MEIS2: variants seen among roughly 807,000 people sequenced by gnomAD.
MEIS2 encodes Meis homeobox 2.
Under a neutral mutation model 58.6 loss-of-function variants are expected in MEIS2, and 9 were observed. The observed-to-expected ratio is 0.15, with a 90% confidence interval of 0.09 to 0.27. The LOEUF (loss-of-function observed/expected upper bound fraction) is 0.27. Among genes scored for constraint, MEIS2 ranks in the 10% least tolerant of loss-of-function variants. The pLI, the probability that MEIS2 is intolerant of heterozygous loss-of-function variation, is 1.00. For missense variants in MEIS2, 427 were observed against 635.0 expected (o/e 0.67, Z 3.52); for synonymous variants, 221 against 228.4 (o/e 0.97, Z 0.29).
At chr15:37,011,787 T>A (rs151078419) in intron 8 of MEIS2, among the ~76,000 whole-genome samples, 2,721 of 151,818 alleles carry the variant, frequency 0.018, 89 homozygotes, top group African/African-American at 0.061. Flanking sequence ...ACCTGGCTAA[T>A]TTTTGTATTT....
intron 7 of MEIS2, among the ~76,000 whole-genome samples, chr15:37,050,171 A>G (rs1166199355): frequency 1.3e-5 from 2 of 151,936 alleles, no homozygotes; most frequent in Admixed American, 1.3e-4. Context: ...AACACTCAGA[A>G]CTCCAGAATA....
intron 9 of MEIS2, among the ~76,000 whole-genome samples, chr15:36,922,427 T>G (rs986438876): frequency 3.9e-5 from 6 of 152,198 alleles, no homozygotes; most frequent in African/African-American, 1.2e-4. Flanking sequence ...TGTGTGTTTG[T>G]TTGTTTTCAC....
intron 7 of MEIS2, among the ~76,000 whole-genome samples, chr15:37,080,071 A>G (rs1414351762): frequency 1.3e-5 from 2 of 152,202 alleles, no homozygotes; most frequent in Non-Finnish European, 2.9e-5. Flanking sequence ...ATTTTACAGC[A>G]AAGATGTCAA....
At chr15:36,920,416 G>T (rs2057459057) in intron 9 of MEIS2, among the ~76,000 whole-genome samples, 1 of 152,164 alleles carries the variant, frequency 6.6e-6, no homozygotes, top group African/African-American at 2.4e-5. Context: ...CAAAGTGCTG[G>T]GATTACAGGC....
At chr15:36,905,526 GT>G (rs2056689239) in intron 9 of MEIS2, among the ~76,000 whole-genome samples, 1 of 152,110 alleles carries the variant, frequency 6.6e-6, no homozygotes, top group Admixed American at 6.5e-5. Flanking sequence ...ATGTGTGTGT[GT>G]TTCCCAATGA....
At chr15:36,938,436 C>A (rs559942225) in intron 9 of MEIS2, among the ~76,000 whole-genome samples, 1 of 152,340 alleles carries the variant, frequency 6.6e-6, no homozygotes, top group Admixed American at 6.5e-5. Context: ...CAAGCCCCTG[C>A]TCCCAGGGGC....
chr15:36,995,987 A>ATGTGTGTG (rs2060492955), intron 8 of MEIS2, among the ~76,000 whole-genome samples: 1 of 49,010 alleles, frequency 2.0e-5, no homozygotes, highest in African/African-American at 5.7e-5. Flanking sequence ...ATATATATAT[A>ATGTGTGTG]TATATATATA....
At chr15:36,995,287 A>G (rs2060435966) in intron 8 of MEIS2, among the ~76,000 whole-genome samples, 1 of 152,100 alleles carries the variant, frequency 6.6e-6, no homozygotes, top group African/African-American at 2.4e-5. Flanking sequence ...ATGCATTCCC[A>G]CCCATAGACA....
Position 36,971,327 on chromosome 15 carries a change from T to C in MEIS2, c.901-20927A>G, listed in dbSNP as rs141455343. ...TTATTTAGAGTCAATGTCTAAGAAA[T>C]GCTTAAGCATCACCTGGTAATACAA... On this transcript the variant is annotated intron_variant, in intron 8 of 11. Coordinates refer to ENST00000561208, the MANE Select transcript of MEIS2 (RefSeq NM_170675.5). 7.4e-3 allele frequency among the ~76,000 whole-genome samples: 1,118 copies of C among 151,970 alleles called. 30 individuals carry two copies. Among genetic ancestry groups the C allele is most frequent in the Admixed American group, 0.044 (671 of 15,258 alleles).
intron 9 of MEIS2, among the ~76,000 whole-genome samples, chr15:36,944,900 A>G (rs2058506565): frequency 6.6e-6 from 1 of 152,022 alleles, no homozygotes; most frequent in South Asian, 2.1e-4. Context: ...TTGAGATAAA[A>G]GTGTCCAGCT....
At chr15:36,922,466 C>CTT (rs57005162) in intron 9 of MEIS2, among the ~76,000 whole-genome samples, 4,565 of 145,728 alleles carry the variant, frequency 0.031, 231 homozygotes, top group African/African-American at 0.11. Flanking sequence ...TACTAAGATC[C>CTT]TTTTTTTTTT....
intron 8 of MEIS2, among the ~76,000 whole-genome samples, chr15:36,985,855 G>A (rs978289720): frequency 4.2e-4 from 64 of 152,280 alleles, no homozygotes; most frequent in African/African-American, 1.4e-3. Context: ...TCAGCAGGCA[G>A]ATGGTGACAG....
chr15:36,950,642 T>C (rs568920406), intron 8 of MEIS2, among the ~76,000 whole-genome samples: 3 of 152,248 alleles, frequency 2.0e-5, no homozygotes, highest in Admixed American at 6.5e-5. Context: ...GTTTAAGTTA[T>C]GCAATTTCTT....
At chr15:37,074,458 T>C (rs964713061) in intron 7 of MEIS2, among the ~76,000 whole-genome samples, 3 of 151,990 alleles carry the variant, frequency 2.0e-5, no homozygotes, top group African/African-American at 7.2e-5. Flanking sequence ...AAAGATAAAA[T>C]GTACAAATAA....
intron 8 of MEIS2, among the ~76,000 whole-genome samples, chr15:36,978,304 T>A (rs1404150455): frequency 6.6e-6 from 1 of 152,224 alleles, no homozygotes; most frequent in Non-Finnish European, 1.5e-5. Flanking sequence ...TGCTAATCCC[T>A]AGAGCAATTT....
At position 37,048,126 on chromosome 15, in the gene MEIS2, A is replaced by G. The variant is rs556375840; in HGVS notation, c.755-11167T>C. 3.3e-5 allele frequency among the ~76,000 whole-genome samples: 5 copies of G among 152,304 alleles called. No individual in the cohort carries two copies. The South Asian group carries it at 1.0e-3, about 32-fold the overall frequency. ...ATATGGCCTTTATATTTGCAAAAAG[A>G]ATTTCCTACAAAAGGCCGTTTATAT... On this transcript the variant is annotated intron_variant, in intron 7 of 11. Coordinates refer to ENST00000561208, the MANE Select transcript of MEIS2 (RefSeq NM_170675.5).
At chr15:37,019,750 T>C (rs1346465307) in intron 8 of MEIS2, among the ~76,000 whole-genome samples, 1 of 152,160 alleles carries the variant, frequency 6.6e-6, no homozygotes, top group Non-Finnish European at 1.5e-5. Context: ...GCTGCCAGGT[T>C]CATTCCAACT....
chr15:37,038,102 G>A (rs2062239768), intron 7 of MEIS2, among the ~76,000 whole-genome samples: 1 of 152,200 alleles, frequency 6.6e-6, no homozygotes, highest in South Asian at 2.1e-4. Context: ...GAATTGCACT[G>A]AGATGGGGGT....
At chr15:37,037,335 T>A (rs528697939) in intron 7 of MEIS2, among the ~76,000 whole-genome samples, 60 of 152,302 alleles carry the variant, frequency 3.9e-4, no homozygotes, top group African/African-American at 1.4e-3. Context: ...AGTTAAATGT[T>A]CTGTAGTCTA....
Sources: allele counts gnomAD v4.1 joint callset (sites outside exome capture counted in the v4.1 genomes callset), GRCh38; gene constraint gnomAD v4.1.1; transcripts MANE v1.5; gene names NCBI Gene and HGNC (gene_info 2026-07-23, HGNC 2026-07-21).